ZFP64: variants seen among roughly 807,000 people sequenced by gnomAD.
ZFP64 encodes the protein ZFP64 zinc finger protein, also known as zinc finger protein 64.
ZFP64 carries 14 observed loss-of-function variants against 51.6 expected under a neutral mutation model. The observed-to-expected ratio is 0.27, with a 90% CI of 0.18 to 0.42. The LOEUF is 0.42. Among genes scored for constraint, ZFP64 ranks in the 10% least tolerant of loss-of-function variants. The pLI, the probability that ZFP64 is intolerant of heterozygous loss-of-function variation, is 1.00. For missense variants in ZFP64, 754 were observed against 906.8 expected, an observed-to-expected ratio of 0.83 and a Z score of 2.16; for synonymous variants, 375 against 361.4, an observed-to-expected ratio of 1.04 and a Z score of -0.43.
At chr20:52,092,548 G>C (rs6063753) in intron 7 of ZFP64, among the ~76,000 whole-genome samples, 49,765 of 152,014 alleles carry the variant, frequency 0.33, 8,480 homozygotes, top group Non-Finnish European at 0.39. Context: ...TGCGAAGTCT[G>C]GATTAAAAGA....
intron 5 of ZFP64, among the ~76,000 whole-genome samples, chr20:52,156,212 A>G (rs942212922): frequency 2.6e-5 from 4 of 152,204 alleles, no homozygotes; most frequent in African/African-American, 9.6e-5. Context: ...AATGTTCCCA[A>G]ATCTTCCCAC....
intron 2 of ZFP64, among the ~76,000 whole-genome samples, chr20:52,170,530 C>A (rs1056983477): frequency 1.3e-5 from 2 of 152,150 alleles, no homozygotes; most frequent in Admixed American, 6.5e-5. Context: ...AGGGCTAATC[C>A]CATGTAACCT....
chr20:52,105,017 G>A (rs767765912), intron 5 of ZFP64: 1 of 1,243,884 alleles, frequency 8.0e-7, no homozygotes, highest in Non-Finnish European at 1.1e-6. Flanking sequence ...CTCTGCGCCG[G>A]ACGCTTCGCC....
chr20:52,104,522 G>A (rs1186963048), intron 5 of ZFP64: 6 of 360,914 alleles, frequency 1.7e-5, no homozygotes, highest in African/African-American at 1.1e-4. Flanking sequence ...GCTCACGGCC[G>A]TCCCCCGCCC....
At chr20:52,091,390 G>A (rs2078924996) in intron 7 of ZFP64, among the ~76,000 whole-genome samples, 1 of 152,000 alleles carries the variant, frequency 6.6e-6, no homozygotes, top group South Asian at 2.1e-4. Flanking sequence ...GCCACTAAAT[G>A]CTCTGAAGAT....
chr20:52,171,377 ATGTGTC>A (rs764937583), intron 2 of ZFP64, among the ~76,000 whole-genome samples: 37 of 143,084 alleles, frequency 2.6e-4, no homozygotes, highest in African/African-American at 9.5e-4. Context: ...GTGTATGTGT[ATGTGTC>A]TGTGTATGCG....
intron 5 of ZFP64, among the ~76,000 whole-genome samples, chr20:52,125,805 T>G (rs757651639): frequency 3.3e-5 from 5 of 152,194 alleles, no homozygotes; most frequent in Non-Finnish European, 7.3e-5. Context: ...GGAAAGCAAA[T>G]TATTAGAGCT....
chr20:52,141,461 G>A (rs1349463849), intron 5 of ZFP64, among the ~76,000 whole-genome samples: 2 of 152,116 alleles, frequency 1.3e-5, no homozygotes, highest in Non-Finnish European at 2.9e-5. Flanking sequence ...ATCAACCTTA[G>A]CAGGAGTTTG....
chr20:52,184,516 T>A (rs1209911702), intron 2 of ZFP64, among the ~76,000 whole-genome samples: 3 of 152,244 alleles, frequency 2.0e-5, no homozygotes, highest in African/African-American at 7.2e-5. Context: ...ATTTTTTTTA[T>A]ACTTACCTTG....
chr20:52,140,098 T>C (rs548659485), intron 5 of ZFP64, among the ~76,000 whole-genome samples: 1 of 152,236 alleles, frequency 6.6e-6, no homozygotes, highest in East Asian at 1.9e-4. Context: ...CGAAATTAAC[T>C]GATAAATGTA....
At chr20:52,100,646 T>C (rs1256909459) in intron 5 of ZFP64, among the ~76,000 whole-genome samples, 2 of 152,190 alleles carry the variant, frequency 1.3e-5, no homozygotes, top group Non-Finnish European at 2.9e-5. Flanking sequence ...ATCACTTTTA[T>C]TGAGAAGTTT....
intron 1 of ZFP64, among the ~76,000 whole-genome samples, chr20:52,187,717 GA>G (rs1227061898): frequency 6.6e-6 from 1 of 152,046 alleles, no homozygotes; most frequent in Non-Finnish European, 1.5e-5. Context: ...TTAACTTGGG[GA>G]AAATTGGAAA....
intron 7 of ZFP64, chr20:52,097,291 G>C (rs937655211): frequency 6.7e-6 from 10 of 1,493,824 alleles, no homozygotes; most frequent in Non-Finnish European, 9.3e-6. Context: ...AGACTGTCCT[G>C]TTCATTACTG....
intron 5 of ZFP64, among the ~76,000 whole-genome samples, chr20:52,116,442 CTTTCTT>C (rs1190589051): frequency 6.1e-4 from 90 of 147,404 alleles, no homozygotes; most frequent in African/African-American, 1.4e-3. Context: ...GGCCATATTT[CTTTCTT>C]TTTTTTTTTT....
chr20:52,133,361 T>C lies in ZFP64; in HGVS notation c.763+26762A>G, dbSNP rs148538353. 3.7e-3 allele frequency among the ~76,000 whole-genome samples: 559 copies of C among 152,156 alleles called. 2 individuals carry two copies. The highest frequency in any genetic ancestry group is 0.013 in the African/African-American group (547 of 41,518). On this transcript the variant is annotated intron_variant, in intron 5 of 8. Transcript: ENST00000361387. ...GCACTGGAAGTCCTAGCTAGAGCAA[T>C]TGGACAAGAGAAAGATATAAAGGGC...
chr20:52,126,647 G>C (rs1007607761), intron 5 of ZFP64, among the ~76,000 whole-genome samples: 1 of 152,290 alleles, frequency 6.6e-6, no homozygotes. Context: ...TCTGAAGTCT[G>C]ACTCTCCTTC....
chr20:52,115,197 C>CAAAAAAA (rs11484315), intron 5 of ZFP64, among the ~76,000 whole-genome samples: 67 of 89,906 alleles, frequency 7.5e-4, no homozygotes, highest in Non-Finnish European at 1.0e-3. Flanking sequence ...GAGTGAGTCT[C>CAAAAAAA]AAAAAAAAAA....
chr20:52,173,912 A>G (rs750992301), intron 2 of ZFP64, among the ~76,000 whole-genome samples: 14 of 152,156 alleles, frequency 9.2e-5, no homozygotes, highest in Non-Finnish European at 1.9e-4. Context: ...GATCTCCAAA[A>G]GTGCTGGGAT....
At chr20:52,105,267 C>T (rs746579764) in intron 5 of ZFP64, 1 of 1,317,434 alleles carries the variant, frequency 7.6e-7, no homozygotes, top group Non-Finnish European at 9.6e-7. Flanking sequence ...CCGCGCGTCC[C>T]TAGGAGTGGC....
Sources: gnomAD v4.1 joint callset for allele counts (sites outside exome capture counted in the v4.1 genomes callset) on GRCh38, gnomAD v4.1.1 for gene constraint, MANE v1.5 for transcripts, NCBI Gene and HGNC (gene_info 2026-07-23, HGNC 2026-07-21) for gene names.